Variants in KAZN observed in about 807,000 individuals in gnomAD.
KAZN encodes the protein kazrin, periplakin interacting protein, also known as kazrin.
Under a neutral mutation model 87.4 loss-of-function variants are expected in KAZN, and 40 were observed. The ratio of observed to expected loss-of-function variants is 0.46; its 90% CI spans 0.36 to 0.60. The LOEUF (loss-of-function observed/expected upper bound fraction) is 0.60, where lower values mean the gene tolerates loss of function less well. KAZN is among the 20% of genes least tolerant of loss of function. The pLI, the probability that KAZN is intolerant of heterozygous loss-of-function variation, is 0.00. For synonymous variants in KAZN, 466 were observed against 458.3 expected (o/e 1.02, Z -0.22); for missense variants, 898 against 1,073.9 (o/e 0.84, Z 2.29).
At chr1:14,940,522 A>G (rs1181700963) in intron 1 of KAZN, among the ~76,000 whole-genome samples, 1 of 152,184 alleles carries the variant, frequency 6.6e-6, no homozygotes, top group African/African-American at 2.4e-5. Context: ...GCCAGGGCAG[A>G]GTAGAATGGG....
intron 2 of KAZN, among the ~76,000 whole-genome samples, chr1:14,350,058 TG>T (rs1658416176): frequency 7.1e-6 from 1 of 141,812 alleles, no homozygotes; most frequent in Non-Finnish European, 1.5e-5. Context: ...GGCGTGAACC[TG>T]GGAGGCGGAG....
chr1:14,264,572 C>T (rs1045534236), intron 2 of KAZN, among the ~76,000 whole-genome samples: 3 of 152,172 alleles, frequency 2.0e-5, no homozygotes, highest in African/African-American at 7.2e-5. Context: ...CCCACCCTCA[C>T]CCTCTCTTGC....
intron 1 of KAZN, among the ~76,000 whole-genome samples, chr1:14,797,017 A>T (rs771590428): frequency 9.9e-5 from 15 of 152,196 alleles, no homozygotes; most frequent in Admixed American, 1.3e-4. Flanking sequence ...GGTAACACAC[A>T]TGGAGGTAGA....
chr1:14,489,791 TCA>T (rs1229091054), intron 2 of KAZN, among the ~76,000 whole-genome samples: 1 of 148,220 alleles, frequency 6.7e-6, no homozygotes, highest in East Asian at 2.0e-4. Context: ...TGTTTTGAAA[TCA>T]CTTTTCAATC....
At chr1:14,180,466 G>C in exon 2 of KAZN, 1 of 1,550,220 alleles carries the variant, frequency 6.5e-7, no homozygotes, top group Non-Finnish European at 8.7e-7. Flanking sequence ...TCAATGACCA[G>C]ATTTCCCATT....
At chr1:14,014,209 C>T (rs1003650362) in intron 1 of KAZN, among the ~76,000 whole-genome samples, 1 of 151,986 alleles carries the variant, frequency 6.6e-6, no homozygotes, top group Non-Finnish European at 1.5e-5. Context: ...GCAACTGTGT[C>T]TGTTGTAATT....
chr1:14,582,870 A>G (rs1675637208), intron 2 of KAZN, among the ~76,000 whole-genome samples: 1 of 152,208 alleles, frequency 6.6e-6, no homozygotes, highest in African/African-American at 2.4e-5. Flanking sequence ...GGGGCACAGA[A>G]TCAAGCTCTT....
chr1:14,495,792 A>G (rs1468583702), intron 2 of KAZN, among the ~76,000 whole-genome samples: 1 of 152,144 alleles, frequency 6.6e-6, no homozygotes, highest in Non-Finnish European at 1.5e-5. Flanking sequence ...GGCTTCTCGA[A>G]AATGAAATTG....
At chr1:14,358,795 G>A (rs1337807407) in intron 2 of KAZN, among the ~76,000 whole-genome samples, 2 of 151,674 alleles carry the variant, frequency 1.3e-5, no homozygotes, top group East Asian at 1.9e-4. Context: ...GAGACTGTTT[G>A]TTATGATTTC....
At chr1:14,663,297 G>A (rs1639312230) in intron 1 of KAZN, among the ~76,000 whole-genome samples, 1 of 152,090 alleles carries the variant, frequency 6.6e-6, no homozygotes, top group African/African-American at 2.4e-5. Flanking sequence ...TAGTACATGG[G>A]AGGCATTCTT....
In KAZN at chr1:14,924,540, G is replaced by C. The variant is rs2101523637; in HGVS notation, c.227-36144G>C. The C allele has an allele frequency of 3.0e-6, 3 of 1,011,078 alleles. No individual in the cohort carries two copies. In the South Asian group the frequency reaches 1.3e-4, roughly 45 times the overall value. The allele number at this position is 1,011,078 out of a possible 1,614,324, so 62.6% of individuals were successfully genotyped here. ...GATCGGCCCCGCGCCGGGGTTCCCC[G>C]GGTCCGAGCGGATGGCGACTGCAGC... On this transcript the variant is annotated intron_variant, in intron 1 of 14. Coordinates refer to ENST00000376030, the MANE Select transcript of KAZN (RefSeq NM_201628.3).
At chr1:14,935,766 G>C (rs1660381865) in intron 1 of KAZN, among the ~76,000 whole-genome samples, 1 of 152,132 alleles carries the variant, frequency 6.6e-6, no homozygotes, top group African/African-American at 2.4e-5. Context: ...ATGCCTAGGG[G>C]CTACTGGATG....
intron 1 of KAZN, among the ~76,000 whole-genome samples, chr1:14,630,095 T>C (rs1474993841): frequency 6.6e-6 from 1 of 152,208 alleles, no homozygotes; most frequent in Non-Finnish European, 1.5e-5. Flanking sequence ...TCCCCCACTG[T>C]AACACTGTTC....
At chr1:14,423,757 A>C (rs1203212216) in intron 2 of KAZN, among the ~76,000 whole-genome samples, 1 of 152,196 alleles carries the variant, frequency 6.6e-6, no homozygotes, top group African/African-American at 2.4e-5. Context: ...TCACTTCCAC[A>C]TGGACCAGTG....
At chr1:13,985,732 A>G (rs1451300072) in intron 1 of KAZN, among the ~76,000 whole-genome samples, 1 of 151,908 alleles carries the variant, frequency 6.6e-6, no homozygotes, top group Non-Finnish European at 1.5e-5. Context: ...TTTCATTTCT[A>G]TTGATTTGTG....
chr1:14,090,482 A>G (rs984424852), intron 1 of KAZN, among the ~76,000 whole-genome samples: 1 of 152,132 alleles, frequency 6.6e-6, no homozygotes, highest in African/African-American at 2.4e-5. Context: ...GCTTGATTCA[A>G]TCTTTTTTAT....
intron 2 of KAZN, among the ~76,000 whole-genome samples, chr1:14,352,322 C>T (rs576999624): frequency 6.6e-6 from 1 of 152,138 alleles, no homozygotes; most frequent in African/African-American, 2.4e-5. Flanking sequence ...TCCTGAACTT[C>T]TCTTGGCTCC....
At chr1:15,029,853 C>T (rs557747525) in intron 2 of KAZN, among the ~76,000 whole-genome samples, 1 of 152,324 alleles carries the variant, frequency 6.6e-6, no homozygotes, top group South Asian at 2.1e-4. Flanking sequence ...CCCATGCGAC[C>T]TGCTGAGTAG....
chr1:14,604,016 T>C (rs540271421), intron 1 of KAZN, among the ~76,000 whole-genome samples: 2 of 152,194 alleles, frequency 1.3e-5, no homozygotes, highest in Non-Finnish European at 2.9e-5. Context: ...CACGAACTCC[T>C]CTGTTCTTTC....
Sources: gnomAD v4.1 joint callset for allele counts (sites outside exome capture counted in the v4.1 genomes callset) on GRCh38, gnomAD v4.1.1 for gene constraint, MANE v1.5 for transcripts, NCBI Gene and HGNC (gene_info 2026-07-23, HGNC 2026-07-21) for gene names.